The following PDE3A variants were observed in gnomAD, a reference collection of about 807,000 sequenced individuals.
PDE3A encodes phosphodiesterase 3A.
PDE3A carries 43 observed loss-of-function variants against 98.3 expected under a neutral mutation model. The observed-to-expected ratio is 0.44, with a 90% CI of 0.34 to 0.56. PDE3A has a LOEUF of 0.56. PDE3A is among the 20% of genes least tolerant of loss of function. PDE3A has a pLI of 0.01. For missense variants in PDE3A, 1,427 were observed against 1,440.7 expected (o/e 0.99, Z 0.15); for synonymous variants, 663 against 567.9 (o/e 1.17, Z -2.38).
At chr12:20,448,555 G>C (rs1450296612) in intron 1 of PDE3A, among the ~76,000 whole-genome samples, 1 of 152,156 alleles carries the variant, frequency 6.6e-6, no homozygotes, top group Non-Finnish European at 1.5e-5. Context: ...GTAACTTGGA[G>C]TTAAGACATT....
chr12:20,527,611 C>G (rs1308640196), intron 1 of PDE3A, among the ~76,000 whole-genome samples: 2 of 152,048 alleles, frequency 1.3e-5, no homozygotes, highest in Non-Finnish European at 2.9e-5. Flanking sequence ...GTGAGTGACC[C>G]CCGTGGCAAA....
chr12:20,527,134 G>A (rs1285036774), intron 1 of PDE3A, among the ~76,000 whole-genome samples: 1 of 152,040 alleles, frequency 6.6e-6, no homozygotes, highest in Admixed American at 6.6e-5. Context: ...GGCCAGGCTG[G>A]TCTCCAACTC....
intron 15 of PDE3A, among the ~76,000 whole-genome samples, chr12:20,666,811 A>G (rs940765232): frequency 4.6e-5 from 7 of 152,170 alleles, no homozygotes; most frequent in Non-Finnish European, 8.8e-5. Flanking sequence ...GGATTGCTAG[A>G]TCATATGGTA....
chr12:20,550,521 T>C (rs1268469016), intron 1 of PDE3A, among the ~76,000 whole-genome samples: 2 of 152,122 alleles, frequency 1.3e-5, no homozygotes, highest in Non-Finnish European at 2.9e-5. Context: ...TAATCATCTT[T>C]AGTATCAATA....
intron 2 of PDE3A, among the ~76,000 whole-genome samples, chr12:20,573,331 G>T (rs547926512): frequency 5.3e-5 from 8 of 152,022 alleles, no homozygotes; most frequent in Non-Finnish European, 1.2e-4. Context: ...TCTCCTGTGT[G>T]TAGGCACAGT....
chr12:20,386,049 T>TAAAAATATATATA (rs1555140903), intron 1 of PDE3A, among the ~76,000 whole-genome samples: 1 of 49,266 alleles, frequency 2.0e-5, no homozygotes, highest in East Asian at 9.9e-4. Flanking sequence ...AAAATATATA[T>TAAAAATATATATA]AAATATATAT....
At chr12:20,428,384 A>G (rs1442987061) in intron 1 of PDE3A, among the ~76,000 whole-genome samples, 1 of 152,094 alleles carries the variant, frequency 6.6e-6, no homozygotes, top group Non-Finnish European at 1.5e-5. Flanking sequence ...GGTTCAGGCT[A>G]TCCTCCTGCC....
At chr12:20,562,921 G>A (rs1392117352) in intron 2 of PDE3A, among the ~76,000 whole-genome samples, 3 of 152,130 alleles carry the variant, frequency 2.0e-5, no homozygotes, top group Non-Finnish European at 2.9e-5. Context: ...TGAGTATTCC[G>A]ATGGAAAAAA....
At chr12:20,658,959 A>T (rs1945100083) in intron 15 of PDE3A, among the ~76,000 whole-genome samples, 1 of 152,140 alleles carries the variant, frequency 6.6e-6, no homozygotes, top group African/African-American at 2.4e-5. Flanking sequence ...TGGCAAGCCC[A>T]TCTTGGTCAC....
intron 1 of PDE3A, among the ~76,000 whole-genome samples, chr12:20,437,074 T>C (rs1944790149): frequency 7.1e-6 from 1 of 140,148 alleles, no homozygotes; most frequent in South Asian, 2.4e-4. Context: ...TGTGTGTGTG[T>C]GTGCCCTTGA....
chr12:20,633,236 C>A (rs1944422570), intron 6 of PDE3A, among the ~76,000 whole-genome samples: 1 of 152,200 alleles, frequency 6.6e-6, no homozygotes. Flanking sequence ...CAGGCGTGAG[C>A]CCATAATGAG....
chr12:20,472,968 A>T (rs1181313306), intron 1 of PDE3A, among the ~76,000 whole-genome samples: 1 of 152,166 alleles, frequency 6.6e-6, no homozygotes, highest in Non-Finnish European at 1.5e-5. Context: ...ATTGTAAATG[A>T]TACTCAATAT....
chr12:20,654,241 T>C (rs774432202), intron 15 of PDE3A, 36 bp downstream of exon 15: 37 of 1,595,340 alleles, frequency 2.3e-5, no homozygotes, highest in Non-Finnish European at 3.0e-5. Context: ...GTGTTTTCCC[T>C]GGGATTGCTT....
At chr12:20,411,674 T>TACAC (rs1944335451) in intron 1 of PDE3A, among the ~76,000 whole-genome samples, 1 of 151,908 alleles carries the variant, frequency 6.6e-6, no homozygotes, top group Non-Finnish European at 1.5e-5. Flanking sequence ...AGTCTTTATA[T>TACAC]ACATGGCTTT....
At chr12:20,662,163 G>A (rs1945187191) in intron 15 of PDE3A, among the ~76,000 whole-genome samples, 1 of 152,132 alleles carries the variant, frequency 6.6e-6, no homozygotes, top group South Asian at 2.1e-4. Context: ...CCCGGTCTTG[G>A]GTATGTCTTT....
rs914140001 is a variant in PDE3A at position 20,443,354 on chromosome 12, C to T, written c.960+73110C>T. On this transcript the variant is annotated intron_variant, in intron 1 of 15. Transcript: ENST00000359062. Reference sequence around the variant, plus strand: ...AGGAGCTTGACTATCTGCATAGATACGTAAGGGGATATGGCTGACAGGAGG... The same window carrying T: ...AGGAGCTTGACTATCTGCATAGATATGTAAGGGGATATGGCTGACAGGAGG... Among the ~76,000 whole-genome samples the T allele has an allele frequency of 5.9e-5, 9 of 152,132 alleles. No homozygotes were observed. The East Asian group carries it at 7.7e-4, about 13-fold the overall frequency.
intron 2 of PDE3A, among the ~76,000 whole-genome samples, chr12:20,573,577 T>G (rs1942854870): frequency 6.6e-6 from 1 of 152,108 alleles, no homozygotes. Context: ...GAGGTAAGAC[T>G]GTTCTAATTT....
chr12:20,661,542 A>G (rs995044231), intron 15 of PDE3A, among the ~76,000 whole-genome samples: 2 of 152,152 alleles, frequency 1.3e-5, no homozygotes, highest in African/African-American at 2.4e-5. Context: ...GGCTGGGTTC[A>G]GGGTCCCTGA....
chr12:20,524,841 A>G (rs1009200399), intron 1 of PDE3A, among the ~76,000 whole-genome samples: 1 of 152,042 alleles, frequency 6.6e-6, no homozygotes, highest in Non-Finnish European at 1.5e-5. Context: ...TTGTGGTTAG[A>G]AGATGGAGCT....
Sources: gnomAD v4.1 joint callset for allele counts (sites outside exome capture counted in the v4.1 genomes callset) on GRCh38, gnomAD v4.1.1 for gene constraint, MANE v1.5 for transcripts, NCBI Gene and HGNC (gene_info 2026-07-23, HGNC 2026-07-21) for gene names.